Variants in FGF1 observed in about 807,000 individuals in gnomAD.
FGF1 encodes fibroblast growth factor 1.
In FGF1, 9 loss-of-function variants were observed where a neutral mutation model predicts 13.4. That is an observed-to-expected ratio of 0.67 (90% confidence interval 0.40 to 1.17). The LOEUF is 1.17. Ranked by LOEUF, FGF1 falls within the 50% of genes most tolerant of loss-of-function variation. The pLI is 0.01. For missense variants in FGF1, 156 were observed against 192.7 expected (o/e 0.81, Z 1.13); for synonymous variants, 93 against 79.0 (o/e 1.18, Z -0.94).
At position 142,633,394 on chromosome 5, in the gene FGF1, C is replaced by G. The variant is rs533412816; in HGVS notation, c.-34-19233G>C. 2.1e-4 allele frequency among the ~76,000 whole-genome samples: 32 copies of G among 152,296 alleles called. 1 individual carries two copies. The South Asian group carries it at 6.6e-3, about 32-fold the overall frequency. On this transcript the variant is annotated intron_variant, in intron 1 of 3. Coordinates refer to ENST00000337706, the MANE Select transcript of FGF1 (RefSeq NM_000800.5). ...GTTCCATTTTTATTCCTTGACTTCT[C>G]TCTACTTCCTTTCTGATGTATATGT...
chr5:142,606,249 T>TG (rs772473152), intron 2 of FGF1, among the ~76,000 whole-genome samples: 1 of 148,534 alleles, frequency 6.7e-6, no homozygotes, highest in African/African-American at 2.5e-5. Flanking sequence ...TGTGTGTATG[T>TG]AGTTTTTTTT....
intron 1 of FGF1, 100 bp from the exon 2 acceptor site, chr5:142,614,261 G>T: frequency 1.1e-6 from 1 of 909,332 alleles, no homozygotes; most frequent in Non-Finnish European, 1.7e-6. Context: ...GGGTTCCCGG[G>T]TAGTGAGTAA....
chr5:142,600,583 G>A, intron 3 of FGF1, 119 bp downstream of exon 3: 1 of 744,924 alleles, frequency 1.3e-6, no homozygotes, highest in African/African-American at 1.7e-5. Context: ...GAATCCTTCT[G>A]GAAAAAATAA....
chr5:142,619,987 G>A (rs1451819814), intron 1 of FGF1, among the ~76,000 whole-genome samples: 1 of 151,582 alleles, frequency 6.6e-6, no homozygotes, highest in Admixed American at 6.6e-5. Context: ...ATGTAAATGT[G>A]CTAAATTTAC....
chr5:142,647,189 T>C (rs995417148), intron 1 of FGF1, among the ~76,000 whole-genome samples: 2 of 152,218 alleles, frequency 1.3e-5, no homozygotes, highest in East Asian at 3.8e-4. Context: ...CTGCCATTTC[T>C]CATTTGCTTA....
In FGF1 at chr5:142,683,821, C is replaced by CAAA. The variant is rs768317949; in HGVS notation, c.-35+2133_-35+2135dup. On this transcript the variant is annotated intron_variant, in intron 1 of 3. Coordinates refer to ENST00000337706, the MANE Select transcript of FGF1 (RefSeq NM_000800.5). ...GAGCAACAAGAGTGAAACTCTGTCTCAAAAAAAAAAAAAAAAAAAAAAGGA... is the reference window on the plus strand; with the variant it reads ...GAGCAACAAGAGTGAAACTCTGTCTCAAAAAAAAAAAAAAAAAAAAAAAAAGGA... 9.7e-4 allele frequency among the ~76,000 whole-genome samples: 48 copies of CAAA among 49,724 alleles called. 2 individuals carry two copies. The highest frequency in any genetic ancestry group is 1.4e-3 in the South Asian group (2 of 1,418). 32.6% of individuals were successfully genotyped at this position (49,724 alleles called of 152,430 possible).
intron 1 of FGF1, among the ~76,000 whole-genome samples, chr5:142,642,682 C>G (rs549400898): frequency 6.6e-6 from 1 of 152,206 alleles, no homozygotes; most frequent in Non-Finnish European, 1.5e-5. Flanking sequence ...CCAGAGGAGA[C>G]GCTCACTGAG....
intron 1 of FGF1, among the ~76,000 whole-genome samples, chr5:142,624,981 C>A (rs1324679647): frequency 6.6e-6 from 1 of 152,204 alleles, no homozygotes; most frequent in Non-Finnish European, 1.5e-5. Flanking sequence ...GTGTCCCAGA[C>A]ACCACTGGAG....
At chr5:142,693,681 C>T (rs1752601791) in intron 2 of FGF1, among the ~76,000 whole-genome samples, 2 of 152,150 alleles carry the variant, frequency 1.3e-5, no homozygotes, top group Non-Finnish European at 2.9e-5. Flanking sequence ...ATTAGCAGTT[C>T]ATTCCCCATT....
chr5:142,622,694 G>T (rs1180562505), intron 1 of FGF1, among the ~76,000 whole-genome samples: 1 of 152,214 alleles, frequency 6.6e-6, no homozygotes, highest in Non-Finnish European at 1.5e-5. Flanking sequence ...GTGTTAGGCT[G>T]GCAGGGCCCC....
chr5:142,696,385 C>T (rs1244904397), intron 2 of FGF1, among the ~76,000 whole-genome samples: 1 of 152,202 alleles, frequency 6.6e-6, no homozygotes, highest in Non-Finnish European at 1.5e-5. Flanking sequence ...TGGGGAAACA[C>T]CCCTTCATTG....
At chr5:142,620,880 A>G (rs1210575643) in intron 1 of FGF1, among the ~76,000 whole-genome samples, 1 of 152,246 alleles carries the variant, frequency 6.6e-6, no homozygotes, top group African/African-American at 2.4e-5. Flanking sequence ...AATTTGTTTC[A>G]TTCAGACTAT....
At chr5:142,662,060 A>G (rs1769358435) in intron 1 of FGF1, among the ~76,000 whole-genome samples, 2 of 152,136 alleles carry the variant, frequency 1.3e-5, no homozygotes, top group Admixed American at 6.5e-5. Flanking sequence ...GTACGATTCC[A>G]TTTACATGAA....
At chr5:142,684,943 GGGGGTGGT>G (rs558552303) in intron 1 of FGF1, among the ~76,000 whole-genome samples, 449 of 152,320 alleles carry the variant, frequency 2.9e-3, no homozygotes, top group African/African-American at 0.01. Context: ...GGAGGCAAGC[GGGGGTGGT>G]GGGGTGGTGG....
At chr5:142,659,483 T>TC (rs1768787805) in intron 1 of FGF1, among the ~76,000 whole-genome samples, 2 of 152,098 alleles carry the variant, frequency 1.3e-5, no homozygotes, top group Non-Finnish European at 2.9e-5. Flanking sequence ...CACTTCAGCC[T>TC]CCCAAAGTAT....
At chr5:142,601,109 T>C (rs1756462144) in intron 2 of FGF1, 1 of 547,830 alleles carries the variant, frequency 1.8e-6, no homozygotes, top group African/African-American at 1.9e-5. Context: ...CTCGCTCCTT[T>C]CTTTCTGTCA....
chr5:142,611,061 G>A (rs986491876), intron 2 of FGF1, among the ~76,000 whole-genome samples: 3 of 152,280 alleles, frequency 2.0e-5, no homozygotes, highest in East Asian at 1.9e-4. Context: ...AAGTCTTAAC[G>A]TGTGACTCTG....
intron 1 of FGF1, among the ~76,000 whole-genome samples, chr5:142,625,608 C>T (rs530830338): frequency 1.3e-5 from 2 of 152,294 alleles, no homozygotes; most frequent in South Asian, 2.1e-4. Context: ...ATCCGGCCGG[C>T]CCTGGGCCAT....
chr5:142,649,430 G>A (rs138606310), intron 1 of FGF1, among the ~76,000 whole-genome samples: 1,977 of 150,668 alleles, frequency 0.013, 48 homozygotes, highest in African/African-American at 0.044. Flanking sequence ...TTTTTGAGAC[G>A]GAGTCTCGCT....
Sources: gnomAD v4.1 joint callset for allele counts (sites outside exome capture counted in the v4.1 genomes callset) on GRCh38, gnomAD v4.1.1 for gene constraint, MANE v1.5 for transcripts, NCBI Gene and HGNC (gene_info 2026-07-23, HGNC 2026-07-21) for gene names.